Variants in KLHL1 observed in about 807,000 individuals in gnomAD.
KLHL1 encodes kelch-like protein 1.
A neutral mutation model predicts 77.7 loss-of-function variants in KLHL1; 47 were observed. The observed-to-expected ratio is 0.60, with a 90% CI of 0.48 to 0.77. The LOEUF is 0.77. Among genes scored for constraint, KLHL1 ranks in the 30% least tolerant of loss-of-function variants. The pLI, the probability that KLHL1 is intolerant of heterozygous loss-of-function variation, is 0.00. For missense variants in KLHL1, 925 were observed against 910.8 expected, an observed-to-expected ratio of 1.02 and a Z score of -0.20; for synonymous variants, 360 against 325.2, an observed-to-expected ratio of 1.11 and a Z score of -1.15.
At chr13:69,780,735 T>TATACACATATATATATACAC (rs1566244078) in intron 7 of KLHL1, among the ~76,000 whole-genome samples, 1 of 110,408 alleles carries the variant, frequency 9.1e-6, no homozygotes, top group African/African-American at 3.5e-5. Context: ...TATATATACA[T>TATACACATATATATATACAC]ATATATATAC....
intron 1 of KLHL1, among the ~76,000 whole-genome samples, chr13:70,037,477 C>T (rs548324510): frequency 8.3e-4 from 126 of 151,986 alleles, no homozygotes; most frequent in African/African-American, 2.9e-3. Context: ...GTTATATACC[C>T]GGCTTTATTT....
At chr13:70,088,843 T>C (rs1387484545) in intron 1 of KLHL1, among the ~76,000 whole-genome samples, 2 of 149,344 alleles carry the variant, frequency 1.3e-5, no homozygotes, top group Non-Finnish European at 3.0e-5. Context: ...CCCTTAAAAC[T>C]CATCAGAAAA....
At chr13:69,856,714 T>G (rs914591870) in intron 5 of KLHL1, among the ~76,000 whole-genome samples, 1 of 152,126 alleles carries the variant, frequency 6.6e-6, no homozygotes, top group Non-Finnish European at 1.5e-5. Context: ...TTCCCTAAAC[T>G]TCTGTATTTT....
intron 5 of KLHL1, among the ~76,000 whole-genome samples, chr13:69,866,002 C>T (rs1031790521): frequency 6.6e-6 from 1 of 151,878 alleles, no homozygotes; most frequent in Non-Finnish European, 1.5e-5. Flanking sequence ...ATAAAAATTC[C>T]ATCTTTTATT....
At chr13:69,841,848 C>A (rs1424797247) in intron 5 of KLHL1, among the ~76,000 whole-genome samples, 1 of 151,652 alleles carries the variant, frequency 6.6e-6, no homozygotes, top group Admixed American at 6.6e-5. Flanking sequence ...GATATATAGG[C>A]CAATGGAACA....
At chr13:69,974,974 G>T (rs912866385) in intron 2 of KLHL1, among the ~76,000 whole-genome samples, 1 of 151,950 alleles carries the variant, frequency 6.6e-6, no homozygotes, top group Non-Finnish European at 1.5e-5. Flanking sequence ...AATGTCAAAT[G>T]TCCTTCCCCA....
Position 69,770,223 on chromosome 13 carries a change from C to A in KLHL1, c.1639+26515G>T, listed in dbSNP as rs535584112. 2.0e-5 allele frequency among the ~76,000 whole-genome samples: 3 copies of A among 152,302 alleles called. No individual in the cohort carries two copies. The South Asian group carries it at 6.2e-4, about 32-fold the overall frequency. On this transcript the variant is annotated intron_variant, in intron 7 of 10. Transcript: ENST00000377844. ...CAAGGTGAAAGCCAGTCTTGGCATGCCTGGTCCAGATGTGGGCAAAGCCCA... is the reference window on the plus strand; with the variant it reads ...CAAGGTGAAAGCCAGTCTTGGCATGACTGGTCCAGATGTGGGCAAAGCCCA...
chr13:70,063,184 TA>T lies in KLHL1; in HGVS notation c.497+44018del, dbSNP rs1320505872. ...CCAGATCCAGCTCTGATTACTTCTC[TA>T]AGTAGACTATGCTAGGTGAGATGCA... On this transcript the variant is annotated intron_variant, in intron 1 of 10. Transcript: ENST00000377844. Among the ~76,000 whole-genome samples the T allele has an allele frequency of 9.9e-5, 15 of 152,148 alleles. 1 individual carries two copies. The highest frequency in any genetic ancestry group is 9.8e-4 in the Admixed American group (15 of 15,266).
intron 1 of KLHL1, among the ~76,000 whole-genome samples, chr13:70,068,370 CAAAAAA>C (rs747930110): frequency 8.7e-6 from 1 of 115,512 alleles, no homozygotes; most frequent in Non-Finnish European, 2.0e-5. Flanking sequence ...AAAACAAAAA[CAAAAAA>C]AAAGGATTTT....
chr13:69,814,233 C>T lies in KLHL1; in HGVS notation c.1415-17271G>A, dbSNP rs923627844. ...CTGCACTCCTACCTCTCCACACATACAAAAATTAACTCAAGATGGACTAAA... is the reference window on the plus strand; with the variant it reads ...CTGCACTCCTACCTCTCCACACATATAAAAATTAACTCAAGATGGACTAAA... On this transcript the variant is annotated intron_variant, in intron 6 of 10. Transcript: ENST00000377844. Among the ~76,000 whole-genome samples the T allele has an allele frequency of 3.3e-5, 5 of 152,122 alleles. No individual in the cohort carries two copies. The East Asian group carries it at 5.8e-4, about 18-fold the overall frequency.
chr13:69,948,883 C>A (rs74603966), intron 3 of KLHL1, among the ~76,000 whole-genome samples: 1,566 of 151,960 alleles, frequency 0.01, 27 homozygotes, highest in African/African-American at 0.035. Flanking sequence ...CTATAAAATT[C>A]ACAACGTAAA....
intron 4 of KLHL1, among the ~76,000 whole-genome samples, chr13:69,934,386 A>G (rs1883102205): frequency 6.6e-6 from 1 of 152,096 alleles, no homozygotes; most frequent in Non-Finnish European, 1.5e-5. Context: ...ACCTATATGT[A>G]TACACAGACG....
At chr13:70,016,502 A>T (rs2137345917) in intron 1 of KLHL1, among the ~76,000 whole-genome samples, 1 of 152,286 alleles carries the variant, frequency 6.6e-6, no homozygotes, top group South Asian at 2.1e-4. Context: ...TTTTGGAGCA[A>T]AGTTGTGGCT....
At chr13:70,066,233 T>C (rs2137411479) in intron 1 of KLHL1, among the ~76,000 whole-genome samples, 1 of 152,318 alleles carries the variant, frequency 6.6e-6, no homozygotes, top group African/African-American at 2.4e-5. Context: ...AAGTGTGTTT[T>C]AGAAGCATAT....
At chr13:69,733,683 G>C (rs1440004765) in intron 8 of KLHL1, among the ~76,000 whole-genome samples, 1 of 152,158 alleles carries the variant, frequency 6.6e-6, no homozygotes, top group Non-Finnish European at 1.5e-5. Context: ...TAAAAGACAA[G>C]TCGGATGTTA....
chr13:70,000,178 A>G (rs1020906097), intron 1 of KLHL1, among the ~76,000 whole-genome samples: 1 of 151,992 alleles, frequency 6.6e-6, no homozygotes, highest in Non-Finnish European at 1.5e-5. Context: ...ATAAAAAGGG[A>G]AAAACATTCA....
chr13:69,964,272 C>A (rs574374103), intron 2 of KLHL1, among the ~76,000 whole-genome samples: 2 of 152,202 alleles, frequency 1.3e-5, no homozygotes, highest in South Asian at 4.1e-4. Flanking sequence ...GAGCTACTGG[C>A]CTTGAGTAAT....
intron 1 of KLHL1, among the ~76,000 whole-genome samples, chr13:70,032,893 T>C (rs901812002): frequency 6.6e-6 from 1 of 152,214 alleles, no homozygotes; most frequent in Admixed American, 6.5e-5. Context: ...CATTTTTTTA[T>C]GGTCATTAAA....
At chr13:70,101,949 G>GAAAAA (rs1593745337) in intron 1 of KLHL1, among the ~76,000 whole-genome samples, 1 of 105,432 alleles carries the variant, frequency 9.5e-6, no homozygotes, top group African/African-American at 4.9e-5. Context: ...GGATAAAGTA[G>GAAAAA]CAAAAAAAAA....
Sources: gnomAD v4.1 joint callset for allele counts (sites outside exome capture counted in the v4.1 genomes callset) on GRCh38, gnomAD v4.1.1 for gene constraint, MANE v1.5 for transcripts, NCBI Gene and HGNC (gene_info 2026-07-23, HGNC 2026-07-21) for gene names.